The following PKP4 variants were observed in gnomAD, a reference collection of about 807,000 sequenced individuals.
The protein encoded by PKP4 is plakophilin 4.
In PKP4, 90 loss-of-function variants were observed where a neutral mutation model predicts 145.1. The ratio of observed to expected loss-of-function variants is 0.62; its 90% confidence interval spans 0.52 to 0.74. The LOEUF (loss-of-function observed/expected upper bound fraction) is 0.74, where lower values mean the gene tolerates loss of function less well. Ranked by LOEUF, PKP4 falls within the 30% of genes least tolerant of loss-of-function variation. The pLI, the probability that PKP4 is intolerant of heterozygous loss-of-function variation, is 0.00. For missense variants in PKP4, 1,340 were observed against 1,482.7 expected, an observed-to-expected ratio of 0.90 and a Z score of 1.58; for synonymous variants, 563 against 577.2, an observed-to-expected ratio of 0.98 and a Z score of 0.35.
intron 1 of PKP4, among the ~76,000 whole-genome samples, chr2:158,461,662 A>G (rs1689789681): frequency 7.0e-6 from 1 of 143,722 alleles, no homozygotes; most frequent in Non-Finnish European, 1.5e-5. Context: ...AATATAGGGT[A>G]GGGAGGGAGG....
chr2:158,591,275 CTAGA>C (rs1653056138), intron 3 of PKP4, among the ~76,000 whole-genome samples: 2 of 151,918 alleles, frequency 1.3e-5, no homozygotes, highest in South Asian at 4.1e-4. Flanking sequence ...TGAATACTGA[CTAGA>C]TACTTGTTGA....
intron 8 of PKP4, chr2:158,632,612 A>G (rs910016596): frequency 6.6e-6 from 1 of 151,966 alleles, no homozygotes; most frequent in Non-Finnish European, 1.5e-5. Context: ...CGGCTAGCTC[A>G]TGGAGTCTCA....
Position 158,565,768 on chromosome 2 carries a change from A to G in PKP4, c.133-11503A>G, listed in dbSNP as rs1423448456. Among the ~76,000 whole-genome samples the G allele has an allele frequency of 2.0e-5, 3 of 152,162 alleles. No individual in the cohort carries two copies. In the South Asian group the frequency reaches 6.2e-4, roughly 31 times the overall value. The stretch of plus-strand genomic sequence containing the variant: ...GTGCCTGAGCTCTCCTACAGCTTTA[A>G]TATTCCTTATAGGTTAGATATGGCT... On this transcript the variant is annotated intron_variant, in intron 2 of 21. Coordinates refer to ENST00000389759, the MANE Select transcript of PKP4 (RefSeq NM_003628.6).
chr2:158,616,214 A>T (rs2051600391), intron 4 of PKP4, among the ~76,000 whole-genome samples: 1 of 152,138 alleles, frequency 6.6e-6, no homozygotes, highest in South Asian at 2.1e-4. Context: ...TTTCCCAGTG[A>T]CCTCATTCCC....
rs1235323454 is a variant in PKP4 at position 158,623,357 on chromosome 2, G to C, written c.604-1521G>C. On this transcript the variant is annotated intron_variant, in intron 6 of 21. Coordinates refer to ENST00000389759, the MANE Select transcript of PKP4 (RefSeq NM_003628.6). ...GCCCAGCTAATTTTTTTGTTTGTTT[G>C]TTTTTTGTAGAGGCTGGGCCTCACT... 5.3e-5 allele frequency among the ~76,000 whole-genome samples: 8 copies of C among 151,856 alleles called. No individual in the cohort carries two copies. In the East Asian group the frequency reaches 1.2e-3, roughly 22 times the overall value.
chr2:158,485,351 A>G (rs1428931434), intron 1 of PKP4, among the ~76,000 whole-genome samples: 2 of 152,238 alleles, frequency 1.3e-5, no homozygotes, highest in Admixed American at 6.5e-5. Flanking sequence ...CGTAACAGTT[A>G]AGTCATTCAG....
At chr2:158,641,198 A>G (rs932718192) in intron 10 of PKP4, among the ~76,000 whole-genome samples, 2 of 152,096 alleles carry the variant, frequency 1.3e-5, no homozygotes, top group Non-Finnish European at 2.9e-5. Flanking sequence ...TTAGCTGGAC[A>G]TGGTGGTGCA....
intron 1 of PKP4, among the ~76,000 whole-genome samples, chr2:158,514,951 A>T (rs1351503763): frequency 6.6e-6 from 1 of 152,206 alleles, no homozygotes; most frequent in East Asian, 1.9e-4. Flanking sequence ...AAAAAAAAAA[A>T]TTGCAAATTA....
chr2:158,631,039 G>A (rs1036713683), intron 7 of PKP4, among the ~76,000 whole-genome samples: 5 of 152,096 alleles, frequency 3.3e-5, no homozygotes, highest in Non-Finnish European at 7.3e-5. Flanking sequence ...CCGGGTTCAC[G>A]CCATTCTCCT....
At chr2:158,602,961 C>G in intron 3 of PKP4, 109 bp from the exon 4 acceptor site, 2 of 558,504 alleles carry the variant, frequency 3.6e-6, no homozygotes, top group Non-Finnish European at 6.4e-6. Context: ...TTTTTGTGCT[C>G]TTGTATAATT....
At chr2:158,537,722 G>A (rs980118171) in intron 2 of PKP4, among the ~76,000 whole-genome samples, 1 of 152,098 alleles carries the variant, frequency 6.6e-6, no homozygotes, top group Non-Finnish European at 1.5e-5. Flanking sequence ...TACTCTCTTA[G>A]TTGTAATAAC....
intron 1 of PKP4, among the ~76,000 whole-genome samples, chr2:158,510,577 A>G (rs760410103): frequency 1.1e-4 from 16 of 152,226 alleles, no homozygotes; most frequent in Non-Finnish European, 2.1e-4. Context: ...GCACTTGCAA[A>G]GTGCCTGTGT....
intron 1 of PKP4, among the ~76,000 whole-genome samples, chr2:158,491,544 TGG>T (rs1446507239): frequency 1.3e-5 from 2 of 152,106 alleles, no homozygotes; most frequent in Non-Finnish European, 2.9e-5. Context: ...AGTTTTCTAC[TGG>T]GGGTTCTAAT....
chr2:158,663,454 A>T lies in PKP4; in HGVS notation c.2577+9A>T. On this transcript the variant is annotated intron_variant, in intron 15 of 21. Coordinates refer to ENST00000389759, the MANE Select transcript of PKP4 (RefSeq NM_003628.6). ...CTGCTGGCAACTGGAAGGTAGGATGACTTCCACTTATCTACACTTCTTTCC... is the reference window on the plus strand; with the variant it reads ...CTGCTGGCAACTGGAAGGTAGGATGTCTTCCACTTATCTACACTTCTTTCC... The T allele has an allele frequency of 6.2e-7, 1 of 1,601,510 alleles. No individual in the cohort carries two copies. Among genetic ancestry groups the T allele is most frequent in the South Asian group, 1.1e-5 (1 of 90,460 alleles).
rs2057100318 is a variant in PKP4 at position 158,666,516 on chromosome 2, C to T, written c.2681C>T (p.Thr894Ile). 1 of 1,613,436 alleles carries T rather than the reference C, an allele frequency of 6.2e-7. No homozygotes were observed. Among genetic ancestry groups the T allele is most frequent in the Non-Finnish European group, 8.5e-7 (1 of 1,179,788 alleles). Residue 894 changes from threonine (T) to isoleucine (I), a missense_variant, in exon 16 of 22, where the codon ACA becomes ATA. Physicochemically the swap from Thr to Ile is moderately conservative, Grantham distance 89. Transcript: ENST00000389759. ...GATAGAGTTGTTTCTTCCGTGGCAA[C>T]AGCCTTGAGGAATATGGCACTAGAT... ...DNDRVVSSVA[T>I]ALRNMALDVR...
intron 2 of PKP4, among the ~76,000 whole-genome samples, chr2:158,552,953 A>C (rs1029501340): frequency 6.6e-6 from 1 of 152,212 alleles, no homozygotes; most frequent in African/African-American, 2.4e-5. Flanking sequence ...AAAAGATGCG[A>C]TAGCCACAGA....
At position 158,485,533 on chromosome 2, in the gene PKP4, G is replaced by A. The variant is rs778744510; in HGVS notation, c.-6+28315G>A. 5.9e-5 allele frequency among the ~76,000 whole-genome samples: 9 copies of A among 152,148 alleles called. No homozygotes were observed. The South Asian group carries it at 1.0e-3, about 18-fold the overall frequency. ...CCCAAGACTCTAAGCTGCATGAACC[G>A]TGCATGTTTAGAGCCCATTACAAGC... is the stretch of plus-strand genomic sequence containing the variant. On this transcript the variant is annotated intron_variant, in intron 1 of 21. Transcript: ENST00000389759.
At chr2:158,631,624 C>G (rs1032351576) in intron 7 of PKP4, 129 bp from the exon 8 acceptor site, 5 of 787,568 alleles carry the variant, frequency 6.3e-6, no homozygotes, top group African/African-American at 5.2e-5. Flanking sequence ...TTCCTGGGCT[C>G]AAGCCATTCT....
intron 2 of PKP4, among the ~76,000 whole-genome samples, chr2:158,565,451 T>TTTTC (rs2046890756): frequency 7.0e-6 from 1 of 143,302 alleles, no homozygotes; most frequent in Admixed American, 7.0e-5. Flanking sequence ...TTTTTTTTTT[T>TTTTC]CCTTTTCTGC....
Sources: allele counts gnomAD v4.1 joint callset (sites outside exome capture counted in the v4.1 genomes callset), GRCh38; gene constraint gnomAD v4.1.1; transcripts MANE v1.5; gene names NCBI Gene and HGNC (gene_info 2026-07-23, HGNC 2026-07-21).